The following ERAP1 variants were observed in gnomAD, a reference collection of about 807,000 sequenced individuals.
ERAP1 encodes endoplasmic reticulum aminopeptidase 1.
In ERAP1, 86 loss-of-function variants were observed where a neutral mutation model predicts 103.7. The observed-to-expected ratio is 0.83, with a 90% CI of 0.70 to 0.99. The LOEUF is 0.99. ERAP1 is among the 50% of genes least tolerant of loss of function. The pLI, the probability that ERAP1 is intolerant of heterozygous loss-of-function variation, is 0.00. For synonymous variants in ERAP1, 398 were observed against 402.4 expected, an observed-to-expected ratio of 0.99 and a Z score of 0.13; for missense variants, 1,009 against 1,128.4, an observed-to-expected ratio of 0.89 and a Z score of 1.52.
chr5:96,816,501 C>CG, the ERAP1 span, among the ~76,000 whole-genome samples: 3 of 152,166 alleles, frequency 2.0e-5, no homozygotes, highest in Non-Finnish European at 2.9e-5. Flanking sequence ...TCAGCAGGGA[C>CG]GGTCTCAACT....
chr5:96,890,359 A>G, the ERAP1 span, among the ~76,000 whole-genome samples: 1 of 152,196 alleles, frequency 6.6e-6, no homozygotes, highest in Non-Finnish European at 1.5e-5. Context: ...TCATGCTCCT[A>G]TGAGAATCTA....
chr5:96,794,034 T>C, intron 5 of ERAP1, 77 bp from the exon 6 acceptor site: 3 of 1,483,570 alleles, frequency 2.0e-6, no homozygotes, highest in South Asian at 1.1e-5. Flanking sequence ...TCAGAATGGA[T>C]AGGTGTTTGA....
chr5:96,763,963 CA>C (rs35420188), intron 19 of ERAP1, among the ~76,000 whole-genome samples: 65 of 145,934 alleles, frequency 4.5e-4, no homozygotes, highest in African/African-American at 8.5e-4. Flanking sequence ...CTTTTTACCT[CA>C]AAAAAAAAAA....
the ERAP1 span, chr5:96,903,419 A>G: frequency 6.2e-7 from 1 of 1,613,678 alleles, no homozygotes; most frequent in Non-Finnish European, 8.5e-7. Context: ...GTGAAATTTA[A>G]TGTGGACTCA....
chr5:96,890,028 A>T, the ERAP1 span, among the ~76,000 whole-genome samples: 1 of 152,230 alleles, frequency 6.6e-6, no homozygotes. Context: ...GGATGGTAAG[A>T]CTGTGGAACA....
chr5:96,863,193 C>CCT, the ERAP1 span, among the ~76,000 whole-genome samples: 1 of 152,078 alleles, frequency 6.6e-6, no homozygotes, highest in Non-Finnish European at 1.5e-5. Context: ...AGGCTCCTCT[C>CCT]CATTCTAAGT....
the ERAP1 span, among the ~76,000 whole-genome samples, chr5:96,852,466 AGGTTTCT>A: frequency 6.6e-6 from 1 of 152,186 alleles, no homozygotes; most frequent in Non-Finnish European, 1.5e-5. Flanking sequence ...TTACACATCT[AGGTTTCT>A]AGCCTAGGAA....
chr5:96,898,298 T>G, the ERAP1 span, among the ~76,000 whole-genome samples: 2 of 152,116 alleles, frequency 1.3e-5, no homozygotes, highest in East Asian at 3.8e-4. Flanking sequence ...TTTTGTGCCC[T>G]TATAAAGCAC....
chr5:96,774,443 A>T, downstream of ERAP1: 1 of 910,406 alleles, frequency 1.1e-6, no homozygotes, highest in Non-Finnish European at 1.3e-6. Flanking sequence ...AGCCCTTTTT[A>T]CAGTCTAGTT....
chr5:96,935,083 G>C, the ERAP1 span: 9 of 152,516 alleles, frequency 5.9e-5, no homozygotes, highest in Non-Finnish European at 1.2e-4. Flanking sequence ...GAGTGCTGGG[G>C]GGCAGGGGCG....
chr5:96,788,624 C>G lies in ERAP1; in HGVS notation c.1586G>C (p.Gly529Ala). ...CACTGTGATGGTTATTAGGGGAAAA[C>G]CCTTCTGCAGTGTCCAAGTGTTCAT... ...TMMNTWTLQK[G>A]FPLITITVRG... The change falls in exon 11 of 19, where the codon GGT (glycine) becomes GCT (alanine). Residue 529 changes from glycine to alanine, a missense_variant. Around this residue, in one of 3 missense-constraint regions of ERAP1, gnomAD observed 611 missense variants for 651.7 expected, o/e 0.94. Coordinates refer to ENST00000443439, the MANE Select transcript of ERAP1 (RefSeq NM_001040458.3). 3 of 1,614,174 alleles carry G rather than the reference C, an allele frequency of 1.9e-6. No individual in the cohort carries two copies. The highest frequency in any genetic ancestry group is 2.5e-6 in the Non-Finnish European group (3 of 1,180,034).
At chr5:96,816,550 T>C in the ERAP1 span, among the ~76,000 whole-genome samples, 1 of 152,238 alleles carries the variant, frequency 6.6e-6, no homozygotes, top group Non-Finnish European at 1.5e-5. Context: ...ATGTCCTTAA[T>C]TTGACCCAGC....
At chr5:96,827,826 A>G in the ERAP1 span, among the ~76,000 whole-genome samples, 1 of 152,154 alleles carries the variant, frequency 6.6e-6, no homozygotes, top group South Asian at 2.1e-4. Flanking sequence ...AAGTCACCAA[A>G]TGCTAATCTA....
the ERAP1 span, among the ~76,000 whole-genome samples, chr5:96,874,770 C>A: frequency 6.6e-6 from 1 of 152,232 alleles, no homozygotes; most frequent in Non-Finnish European, 1.5e-5. Context: ...AGGATCTAAT[C>A]ATGGCAACAT....
In ERAP1 at chr5:96,788,594, C is replaced by T. The variant is rs1298840027; in HGVS notation, c.1616G>A (p.Gly539Glu). 6.2e-7 allele frequency: 1 copy of T among 1,614,186 alleles called. No homozygotes were observed. The highest frequency in any genetic ancestry group is 1.7e-5 in the Admixed American group (1 of 60,024). ...CTCTTGCTTCATGTGTACATTCCTC[C>T]CCCTCACTGTGATGGTTATTAGGGG... Reference protein sequence around the residue: ...GFPLITITVRGRNVHMKQEHY... With the variant: ...GFPLITITVRERNVHMKQEHY... Residue 539 changes from glycine to glutamate, a missense_variant, in exon 11 of 19, where the codon GGG (glycine) becomes GAG (glutamate). By Grantham distance (98) the Gly-to-Glu change is moderately conservative. Coordinates refer to ENST00000443439, the MANE Select transcript of ERAP1 (RefSeq NM_001040458.3).
the ERAP1 span, among the ~76,000 whole-genome samples, chr5:96,889,841 CA>C: frequency 6.7e-6 from 1 of 149,156 alleles, no homozygotes; most frequent in Non-Finnish European, 1.5e-5. Flanking sequence ...TACACACACA[CA>C]CACACACACA....
chr5:96,924,691 G>A, the ERAP1 span, among the ~76,000 whole-genome samples: 1 of 151,130 alleles, frequency 6.6e-6, no homozygotes, highest in African/African-American at 2.4e-5. Flanking sequence ...TCCACCTCCC[G>A]GGTTCAGGTG....
chr5:96,908,920 T>C, the ERAP1 span: 10,436 of 1,562,514 alleles, frequency 6.7e-3, 69 homozygotes, highest in Non-Finnish European at 8.0e-3. Context: ...TTAAAAACTA[T>C]AAGATATGCA....
At chr5:96,916,202 C>T in the ERAP1 span, among the ~76,000 whole-genome samples, 1 of 149,570 alleles carries the variant, frequency 6.7e-6, no homozygotes, top group Non-Finnish European at 1.5e-5. Flanking sequence ...GCCTGGGTGA[C>T]AGAGTGAGAC....
Sources: gnomAD v4.1 joint callset for allele counts (sites outside exome capture counted in the v4.1 genomes callset) on GRCh38, gnomAD v4.1.1 for gene constraint, gnomAD v4.1.1 regional missense constraint, MANE v1.5 for transcripts, NCBI Gene and HGNC (gene_info 2026-07-23, HGNC 2026-07-21) for gene names.